The following CLIC5 variants were observed in gnomAD, a reference collection of about 807,000 sequenced individuals.
CLIC5 encodes the protein CLIC family member 5.
CLIC5 carries 20 observed loss-of-function variants against 24.7 expected under a neutral mutation model. That is an observed-to-expected ratio of 0.81 (90% CI 0.57 to 1.18). The LOEUF is 1.18. Among genes scored for constraint, CLIC5 ranks in the 50% most tolerant of loss-of-function variants. The pLI is 0.00. For synonymous variants in CLIC5, 159 were observed against 135.6 expected (o/e 1.17, Z -1.20); for missense variants, 341 against 326.1 (o/e 1.05, Z -0.35).
At chr6:46,066,663 G>T (rs371578052) in intron 1 of CLIC5, among the ~76,000 whole-genome samples, 1 of 152,142 alleles carries the variant, frequency 6.6e-6, no homozygotes, top group Non-Finnish European at 1.5e-5. Flanking sequence ...TGCTTTCCTT[G>T]TGGAGCTTTC....
the CLIC5 span, chr6:46,096,963 A>AG: frequency 1.3e-5 from 2 of 152,188 alleles, no homozygotes; most frequent in Admixed American, 1.3e-4. Context: ...GGAACTTCCT[A>AG]GGGGGATGGG....
At chr6:45,930,949 C>T (rs1581754889) in intron 4 of CLIC5, among the ~76,000 whole-genome samples, 1 of 152,216 alleles carries the variant, frequency 6.6e-6, no homozygotes, top group East Asian at 1.9e-4. Flanking sequence ...CAGCAAATTA[C>T]AGTCCAAGGA....
intron 1 of CLIC5, among the ~76,000 whole-genome samples, chr6:45,974,184 C>A (rs1335173114): frequency 4.0e-5 from 6 of 151,666 alleles, no homozygotes; most frequent in Admixed American, 2.6e-4. Context: ...TATAAAACCA[C>A]CAGGCTGGGA....
chr6:46,026,467 C>A (rs775197216), intron 1 of CLIC5, among the ~76,000 whole-genome samples: 94 of 152,076 alleles, frequency 6.2e-4, no homozygotes, highest in Non-Finnish European at 1.2e-3. Context: ...AGGAAGGTAG[C>A]TTTGATTCCG....
chr6:46,017,196 A>C (rs1159032682), upstream of CLIC5, among the ~76,000 whole-genome samples: 1 of 152,080 alleles, frequency 6.6e-6, no homozygotes, highest in Non-Finnish European at 1.5e-5. Context: ...TTTGCACCAG[A>C]ATCTGGTGGA....
chr6:45,911,573 T>C (rs1268201389), intron 5 of CLIC5: 1 of 981,418 alleles, frequency 1.0e-6, no homozygotes, highest in South Asian at 4.7e-5. Context: ...GATAAAGGGA[T>C]CCAAAAGTAT....
intron 5 of CLIC5, chr6:45,911,541 G>A (rs187804631): frequency 1.1e-6 from 1 of 898,964 alleles, no homozygotes; most frequent in African/African-American, 1.8e-5. Flanking sequence ...TTATCAGAGT[G>A]GATGAAAAGG....
chr6:45,909,102 C>A (rs1181252601), intron 5 of CLIC5, among the ~76,000 whole-genome samples: 2 of 151,418 alleles, frequency 1.3e-5, no homozygotes, highest in Non-Finnish European at 2.9e-5. Context: ...GAATAGTGAC[C>A]CCTGCTCTTT....
chr6:45,934,192 GC>G (rs1370491912), intron 4 of CLIC5: 1 of 152,086 alleles, frequency 6.6e-6, no homozygotes, highest in Non-Finnish European at 1.5e-5. Flanking sequence ...GCGCACGAAG[GC>G]CCCGGGGCTG....
chr6:46,023,876 C>T (rs1159393049), intron 1 of CLIC5, among the ~76,000 whole-genome samples: 1 of 149,128 alleles, frequency 6.7e-6, no homozygotes, highest in Admixed American at 6.6e-5. Flanking sequence ...AAGATAAATA[C>T]ATATAACAAA....
intron 5 of CLIC5, among the ~76,000 whole-genome samples, chr6:45,903,984 T>C (rs1762580347): frequency 6.6e-6 from 1 of 152,198 alleles, no homozygotes; most frequent in Admixed American, 6.5e-5. Flanking sequence ...CTGATTTCTG[T>C]TCTCGCCCTG....
At chr6:45,961,641 A>G (rs1393216161) in intron 1 of CLIC5, among the ~76,000 whole-genome samples, 2 of 152,076 alleles carry the variant, frequency 1.3e-5, no homozygotes, top group Non-Finnish European at 2.9e-5. Flanking sequence ...CAACATTTCT[A>G]GTTGTGACTA....
chr6:45,941,722 T>C, intron 3 of CLIC5, 69 bp from the exon 4 acceptor site: 15 of 1,164,572 alleles, frequency 1.3e-5, no homozygotes, highest in Non-Finnish European at 1.7e-5. Context: ...AGCCTATCCC[T>C]ATCATGATAA....
At position 45,965,007 on chromosome 6, in the gene CLIC5, A is replaced by T. The variant is rs116184780; in HGVS notation, c.64-9763T>A. 5.4e-3 allele frequency among the ~76,000 whole-genome samples: 819 copies of T among 152,344 alleles called. 8 individuals are homozygous for T. The highest frequency in any genetic ancestry group is 0.019 in the African/African-American group (781 of 41,584). ...GCAAACATTTAGGAAGAGCTTGTTAAACACCCTATTTATGAAATATTATGC... is the reference window on the plus strand; with the variant it reads ...GCAAACATTTAGGAAGAGCTTGTTATACACCCTATTTATGAAATATTATGC... On this transcript the variant is annotated intron_variant, in intron 1 of 5. Transcript: ENST00000339561.
intron 4 of CLIC5, among the ~76,000 whole-genome samples, chr6:45,935,598 A>T (rs947177483): frequency 5.9e-5 from 9 of 152,220 alleles, no homozygotes; most frequent in African/African-American, 2.2e-4. Context: ...GGCTCAGAGG[A>T]GGAACCCCTC....
chr6:45,977,525 C>T (rs752012701), intron 1 of CLIC5, among the ~76,000 whole-genome samples: 2 of 152,152 alleles, frequency 1.3e-5, no homozygotes, highest in African/African-American at 2.4e-5. Context: ...ACTCAGAACC[C>T]TCCAATGACT....
At chr6:45,956,499 G>A (rs1166425768) in intron 1 of CLIC5, among the ~76,000 whole-genome samples, 1 of 151,310 alleles carries the variant, frequency 6.6e-6, no homozygotes, top group African/African-American at 2.4e-5. Flanking sequence ...CAAAAGAAAG[G>A]GAGAAAACAA....
At chr6:45,882,422 G>A (rs1762271620) in intron 6 of CLIC5, among the ~76,000 whole-genome samples, 1 of 152,250 alleles carries the variant, frequency 6.6e-6, no homozygotes, top group Non-Finnish European at 1.5e-5. Context: ...AAAACCTCAA[G>A]GCACTCACAA....
At chr6:45,949,620 G>C (rs1363981334) in intron 2 of CLIC5, among the ~76,000 whole-genome samples, 1 of 152,188 alleles carries the variant, frequency 6.6e-6, no homozygotes, top group South Asian at 2.1e-4. Flanking sequence ...AGATGAAGGA[G>C]TTGAAAAAAT....
Sources: gnomAD v4.1 joint callset for allele counts (sites outside exome capture counted in the v4.1 genomes callset) on GRCh38, gnomAD v4.1.1 for gene constraint, MANE v1.5 for transcripts, NCBI Gene and HGNC (gene_info 2026-07-23, HGNC 2026-07-21) for gene names.